TEX36: variants seen among roughly 807,000 people sequenced by gnomAD.
TEX36 encodes testis expressed 36.
Under a neutral mutation model 13.6 loss-of-function variants are expected in TEX36, and 12 were observed. The observed-to-expected ratio is 0.88, with a 90% CI of 0.56 to 1.43. The LOEUF (loss-of-function observed/expected upper bound fraction) is 1.43, where lower values mean the gene tolerates loss of function less well. Ranked by LOEUF, TEX36 falls within the 40% of genes most tolerant of loss-of-function variation. TEX36 has a pLI of 0.00. For missense variants in TEX36, 224 were observed against 228.3 expected (o/e 0.98, Z 0.12); for synonymous variants, 93 against 83.0 (o/e 1.12, Z -0.65).
At chr10:125,590,517 C>T (rs1350886287) in intron 3 of TEX36, among the ~76,000 whole-genome samples, 1 of 152,092 alleles carries the variant, frequency 6.6e-6, no homozygotes, top group Non-Finnish European at 1.5e-5. Context: ...TTACAAAAGC[C>T]TTTAGCACAA....
At chr10:125,630,613 CTA>C (rs1391618449) in intron 3 of TEX36, among the ~76,000 whole-genome samples, 2 of 152,098 alleles carry the variant, frequency 1.3e-5, no homozygotes, top group Admixed American at 6.6e-5. Context: ...AGGGGACTGC[CTA>C]AGGACATGAA....
intron 1 of TEX36, among the ~76,000 whole-genome samples, chr10:125,669,056 G>A (rs1847174106): frequency 6.6e-6 from 1 of 152,160 alleles, no homozygotes; most frequent in Non-Finnish European, 1.5e-5. Flanking sequence ...ACTTTGGGAG[G>A]CTGAGGCAGG....
intron 3 of TEX36, among the ~76,000 whole-genome samples, chr10:125,659,395 C>A (rs1326414869): frequency 6.6e-6 from 1 of 152,130 alleles, no homozygotes; most frequent in African/African-American, 2.4e-5. Context: ...ATTTTACCCA[C>A]AAAACCATTA....
intron 1 of TEX36, among the ~76,000 whole-genome samples, chr10:125,666,269 T>C (rs1847120203): frequency 6.6e-6 from 1 of 152,222 alleles, no homozygotes; most frequent in Admixed American, 6.5e-5. Context: ...AATCCTTGTC[T>C]TGTTTCAGTT....
chr10:125,672,883 C>T (rs1419443674), intron 1 of TEX36, among the ~76,000 whole-genome samples: 1 of 152,064 alleles, frequency 6.6e-6, no homozygotes, highest in Non-Finnish European at 1.5e-5. Context: ...TATTCAATGC[C>T]CTTCTCTGTC....
intron 3 of TEX36, among the ~76,000 whole-genome samples, chr10:125,611,576 T>C (rs1846290317): frequency 6.6e-6 from 1 of 152,224 alleles, no homozygotes; most frequent in African/African-American, 2.4e-5. Context: ...CAGGTATCTT[T>C]TTCTTATTGA....
At position 125,584,273 on chromosome 10, in the gene TEX36, T is replaced by C. The variant is rs143337814; in HGVS notation, c.265-7399A>G. Among the ~76,000 whole-genome samples the C allele has an allele frequency of 3.7e-3, 563 of 152,318 alleles. 7 individuals carry two copies. The highest frequency in any genetic ancestry group is 0.013 in the African/African-American group (536 of 41,578). ...CCAAAGCTGCTGACACACAAAACTGTCCACAAATAAAATGGATGTTGTTTG... is the reference window on the plus strand; with the variant it reads ...CCAAAGCTGCTGACACACAAAACTGCCCACAAATAAAATGGATGTTGTTTG... On this transcript the variant is annotated intron_variant, in intron 3 of 3. Coordinates refer to the TEX36 transcript ENST00000532135.
At chr10:125,681,479 CTCTCATTTTACTTTG>C (rs1156361875) in intron 1 of TEX36, among the ~76,000 whole-genome samples, 1 of 152,172 alleles carries the variant, frequency 6.6e-6, no homozygotes, top group African/African-American at 2.4e-5. Flanking sequence ...TTGACATTAT[CTCTCATTTTACTTTG>C]GCTGCCAGGG....
chr10:125,605,304 C>T (rs1014735650), intron 3 of TEX36, among the ~76,000 whole-genome samples: 1 of 150,274 alleles, frequency 6.7e-6, no homozygotes, highest in African/African-American at 2.5e-5. Context: ...CATAGTGCAG[C>T]AATGTGGTCA....
intron 3 of TEX36, among the ~76,000 whole-genome samples, chr10:125,588,707 C>T (rs532336768): frequency 4.6e-5 from 7 of 152,284 alleles, no homozygotes; most frequent in African/African-American, 9.6e-5. Context: ...CTCCGCCTCC[C>T]GGGTTCAAGC....
At chr10:125,619,016 G>C (rs988239034), downstream of TEX36, among the ~76,000 whole-genome samples, 1 of 148,458 alleles carries the variant, frequency 6.7e-6, no homozygotes, top group Non-Finnish European at 1.5e-5. Flanking sequence ...TGTAGTCTCA[G>C]CTACTTGGGA....
At chr10:125,660,306 G>A (rs934182575) in intron 3 of TEX36, among the ~76,000 whole-genome samples, 4 of 151,960 alleles carry the variant, frequency 2.6e-5, no homozygotes, top group Non-Finnish European at 5.9e-5. Flanking sequence ...TTAATGTTTT[G>A]TAGACACGGG....
At chr10:125,591,243 A>T (rs1010072987) in intron 3 of TEX36, among the ~76,000 whole-genome samples, 4 of 152,248 alleles carry the variant, frequency 2.6e-5, no homozygotes, top group Non-Finnish European at 4.4e-5. Context: ...GGAAGCATTC[A>T]ATGAGCGTTT....
At chr10:125,619,360 C>T (rs1589757703), downstream of TEX36, among the ~76,000 whole-genome samples, 1 of 151,890 alleles carries the variant, frequency 6.6e-6, no homozygotes, top group Non-Finnish European at 1.5e-5. Context: ...CCTTCAAAGC[C>T]GTGCAGGCAC....
intron 3 of TEX36, among the ~76,000 whole-genome samples, chr10:125,647,339 C>A (rs1846785629): frequency 6.6e-6 from 1 of 152,202 alleles, no homozygotes; most frequent in Non-Finnish European, 1.5e-5. Flanking sequence ...ATATGCAGGG[C>A]TTTTATATGA....
intron 3 of TEX36, among the ~76,000 whole-genome samples, chr10:125,623,687 A>G (rs1005790542): frequency 1.4e-4 from 21 of 152,120 alleles, no homozygotes; most frequent in African/African-American, 5.1e-4. Context: ...GTAGGTCTGA[A>G]GAGACTCTGT....
At chr10:125,630,410 G>A (rs1393388977) in intron 3 of TEX36, among the ~76,000 whole-genome samples, 2 of 152,268 alleles carry the variant, frequency 1.3e-5, no homozygotes. Flanking sequence ...TTCTCAGTGC[G>A]TGTGGGCTGT....
chr10:125,590,554 G>C (rs1055657402), intron 3 of TEX36, among the ~76,000 whole-genome samples: 1 of 151,964 alleles, frequency 6.6e-6, no homozygotes, highest in African/African-American at 2.4e-5. Flanking sequence ...CTCAAAATGC[G>C]GCAGATATTA....
chr10:125,648,484 C>T (rs909670412), intron 3 of TEX36, among the ~76,000 whole-genome samples: 1 of 152,174 alleles, frequency 6.6e-6, no homozygotes, highest in African/African-American at 2.4e-5. Flanking sequence ...AGGACATCCA[C>T]AACAAAACCC....
Sources: gnomAD v4.1 joint callset for allele counts (sites outside exome capture counted in the v4.1 genomes callset) on GRCh38, gnomAD v4.1.1 for gene constraint, MANE v1.5 for transcripts, NCBI Gene and HGNC (gene_info 2026-07-23, HGNC 2026-07-21) for gene names.